GPC5: variants seen among roughly 807,000 people sequenced by gnomAD.
The protein encoded by GPC5 is glypican-5.
Under a neutral mutation model 53.9 loss-of-function variants are expected in GPC5, and 47 were observed. That is an observed-to-expected ratio of 0.87 (90% CI 0.69 to 1.11). The LOEUF is 1.11. Among genes scored for constraint, GPC5 ranks in the 50% most tolerant of loss-of-function variants. The pLI, the probability that GPC5 is intolerant of heterozygous loss-of-function variation, is 0.00. For missense variants in GPC5, 748 were observed against 713.1 expected (o/e 1.05, Z -0.56); for synonymous variants, 286 against 263.3 (o/e 1.09, Z -0.84).
chr13:92,379,549 CCTGTGCCCCTTGCATATTAGTTCCTCT>C (rs1270118231), intron 7 of GPC5, among the ~76,000 whole-genome samples: 2 of 150,768 alleles, frequency 1.3e-5, no homozygotes, highest in African/African-American at 5.0e-5. Flanking sequence ...ATAGTTCTTC[CCTGTGCCCCTTGCATATTAGTTCCTCT>C]CTGTGCCCCC....
intron 7 of GPC5, among the ~76,000 whole-genome samples, chr13:92,222,837 C>A (rs2042459232): frequency 6.6e-6 from 1 of 152,106 alleles, no homozygotes; most frequent in Non-Finnish European, 1.5e-5. Context: ...TAACATTTAG[C>A]ATTTTTATGA....
At chr13:92,600,025 A>G (rs543637924) in intron 7 of GPC5, among the ~76,000 whole-genome samples, 19 of 152,196 alleles carry the variant, frequency 1.2e-4, no homozygotes, top group Non-Finnish European at 2.4e-4. Flanking sequence ...GTGTGGCAGA[A>G]GCAGTAAAAA....
At chr13:92,290,559 C>T (rs759203389) in intron 7 of GPC5, among the ~76,000 whole-genome samples, 1 of 152,140 alleles carries the variant, frequency 6.6e-6, no homozygotes, top group Non-Finnish European at 1.5e-5. Flanking sequence ...AGCTTAGCTC[C>T]CACTTATGAG....
At chr13:92,152,522 T>C (rs1187029801) in intron 7 of GPC5, among the ~76,000 whole-genome samples, 1 of 152,036 alleles carries the variant, frequency 6.6e-6, no homozygotes, top group Non-Finnish European at 1.5e-5. Context: ...AAATTAGTAA[T>C]AAAGGAATGT....
At chr13:91,721,334 C>T (rs1253615698) in intron 3 of GPC5, among the ~76,000 whole-genome samples, 1 of 152,000 alleles carries the variant, frequency 6.6e-6, no homozygotes, top group Non-Finnish European at 1.5e-5. Context: ...AGGGTTTCAC[C>T]GTGTTGGCCA....
At chr13:91,408,274 A>C (rs1292110817) in intron 1 of GPC5, among the ~76,000 whole-genome samples, 1 of 152,090 alleles carries the variant, frequency 6.6e-6, no homozygotes, top group Non-Finnish European at 1.5e-5. Flanking sequence ...TATGAGATCA[A>C]CCTTTTTAGA....
intron 7 of GPC5, among the ~76,000 whole-genome samples, chr13:92,564,247 G>A (rs1882795066): frequency 6.6e-6 from 1 of 151,848 alleles, no homozygotes; most frequent in Non-Finnish European, 1.5e-5. Context: ...GGGACCCAAA[G>A]CACCCTATTC....
chr13:92,008,045 G>A (rs1459726061), intron 6 of GPC5, among the ~76,000 whole-genome samples: 1 of 151,274 alleles, frequency 6.6e-6, no homozygotes, highest in Non-Finnish European at 1.5e-5. Flanking sequence ...CAAAGAACAC[G>A]GTGAATGAGA....
At chr13:91,519,165 T>C (rs558800876) in intron 2 of GPC5, among the ~76,000 whole-genome samples, 11 of 152,364 alleles carry the variant, frequency 7.2e-5, no homozygotes, top group African/African-American at 2.6e-4. Context: ...AGTATCCTAT[T>C]GTACAGTGTC....
At chr13:91,909,745 CA>C (rs1428907200) in intron 6 of GPC5, among the ~76,000 whole-genome samples, 1 of 151,996 alleles carries the variant, frequency 6.6e-6, no homozygotes, top group East Asian at 1.9e-4. Context: ...CAGAGAAGAA[CA>C]CATAGATACC....
intron 7 of GPC5, among the ~76,000 whole-genome samples, chr13:92,314,688 T>C (rs2043166905): frequency 6.6e-6 from 1 of 152,208 alleles, no homozygotes. Flanking sequence ...TAACTGTAAG[T>C]AGACATCTGA....
chr13:91,661,380 G>A (rs1181679586), intron 2 of GPC5, among the ~76,000 whole-genome samples: 1 of 152,228 alleles, frequency 6.6e-6, no homozygotes, highest in Non-Finnish European at 1.5e-5. Flanking sequence ...TCCAGGAGAA[G>A]ATGCCCCTGG....
intron 6 of GPC5, among the ~76,000 whole-genome samples, chr13:91,947,354 T>C (rs2039983364): frequency 6.6e-6 from 1 of 152,204 alleles, no homozygotes; most frequent in South Asian, 2.1e-4. Context: ...TGCTGGCTCC[T>C]CCTGCTAACT....
intron 7 of GPC5, among the ~76,000 whole-genome samples, chr13:92,630,883 C>T (rs1452034010): frequency 2.6e-5 from 4 of 151,986 alleles, no homozygotes; most frequent in Non-Finnish European, 5.9e-5. Flanking sequence ...TTTTAGTCCC[C>T]TAATTTCTCT....
intron 7 of GPC5, among the ~76,000 whole-genome samples, chr13:92,418,396 T>C (rs1288815908): frequency 2.0e-5 from 3 of 152,146 alleles, no homozygotes; most frequent in East Asian, 1.9e-4. Flanking sequence ...GATCACGTTA[T>C]TGAGGTTTAA....
At chr13:92,120,358 A>G (rs1385517380) in intron 6 of GPC5, among the ~76,000 whole-genome samples, 2 of 152,130 alleles carry the variant, frequency 1.3e-5, no homozygotes, top group African/African-American at 4.8e-5. Flanking sequence ...CTTCAGCTCA[A>G]GTAATCCTCC....
At chr13:91,913,908 T>A (rs1210184772) in intron 6 of GPC5, among the ~76,000 whole-genome samples, 2 of 152,238 alleles carry the variant, frequency 1.3e-5, no homozygotes, top group Non-Finnish European at 2.9e-5. Flanking sequence ...GAGTTAACAT[T>A]AACTTTTTCA....
At chr13:92,833,901 T>C (rs1566437723) in intron 7 of GPC5, among the ~76,000 whole-genome samples, 1 of 152,124 alleles carries the variant, frequency 6.6e-6, no homozygotes, top group African/African-American at 2.4e-5. Context: ...AACAAGATTA[T>C]AGAAGGCTTT....
At chr13:92,636,661 T>C (rs1885413396) in intron 7 of GPC5, among the ~76,000 whole-genome samples, 1 of 152,202 alleles carries the variant, frequency 6.6e-6, no homozygotes, top group Non-Finnish European at 1.5e-5. Flanking sequence ...TCCGTAATTT[T>C]ATATATTGCT....
Sources: allele counts gnomAD v4.1 joint callset (sites outside exome capture counted in the v4.1 genomes callset), GRCh38; gene constraint gnomAD v4.1.1; transcripts MANE v1.5; gene names NCBI Gene and HGNC (gene_info 2026-07-23, HGNC 2026-07-21).